The following DENND5A variants were observed in gnomAD, a reference collection of about 807,000 sequenced individuals.
DENND5A encodes the protein DENN domain containing 5A, also known as DENN domain-containing protein 5A.
Under a neutral mutation model 140.3 loss-of-function variants are expected in DENND5A, and 64 were observed. The ratio of observed to expected loss-of-function variants is 0.46; its 90% CI spans 0.37 to 0.56. DENND5A has a LOEUF of 0.56. Among genes scored for constraint, DENND5A ranks in the 20% least tolerant of loss-of-function variants. DENND5A has a pLI of 0.00. For synonymous variants in DENND5A, 605 were observed against 607.7 expected (o/e 1.00, Z 0.07); for missense variants, 1,292 against 1,593.8 (o/e 0.81, Z 3.22).
chr11:9,259,134 C>T (rs1852079241), intron 1 of DENND5A, among the ~76,000 whole-genome samples: 1 of 152,044 alleles, frequency 6.6e-6, no homozygotes, highest in African/African-American at 2.4e-5. Context: ...GTGGCACATG[C>T]CTGTAATCCC....
chr11:9,242,328 C>A (rs1211898292), intron 1 of DENND5A: 4 of 152,176 alleles, frequency 2.6e-5, no homozygotes, highest in African/African-American at 9.7e-5. Flanking sequence ...TAGACAATCA[C>A]TGATTGCAAG....
Position 9,141,927 on chromosome 11 carries a change from G to A in DENND5A, c.3680+13C>T. The A allele has an allele frequency of 6.4e-7, 1 of 1,567,682 alleles. No individual in the cohort carries two copies. Among genetic ancestry groups the A allele is most frequent in the Non-Finnish European group, 8.7e-7 (1 of 1,154,856 alleles). On this transcript the variant is annotated intron_variant, in intron 22 of 22. Transcript: ENST00000328194. ...CTAACCGCTGTGCACTCTGGGCCCT[G>A]GGTCTGCAGTACCTGGCTCCCAAGC...
intron 1 of DENND5A, among the ~76,000 whole-genome samples, 172 bp downstream of exon 1, chr11:9,264,789 C>G (rs1564951179): frequency 6.6e-6 from 1 of 152,200 alleles, no homozygotes; most frequent in Non-Finnish European, 1.5e-5. Context: ...CTCAGAGCCC[C>G]TCATCCGTTT....
chr11:9,208,870 A>G (rs1361186072), intron 1 of DENND5A, among the ~76,000 whole-genome samples: 1 of 152,236 alleles, frequency 6.6e-6, no homozygotes, highest in Non-Finnish European at 1.5e-5. Flanking sequence ...AGCTGCAGCA[A>G]CAAGGCCTAC....
intron 9 of DENND5A, 181 bp from the exon 10 acceptor site, chr11:9,170,130 TGAGA>T: frequency 2.4e-6 from 1 of 409,086 alleles, no homozygotes; most frequent in East Asian, 1.6e-4. Context: ...TGACTGGACA[TGAGA>T]GAGACACCTC....
intron 12 of DENND5A, among the ~76,000 whole-genome samples, chr11:9,153,336 C>A (rs1441670306): frequency 2.3e-5 from 3 of 128,088 alleles, no homozygotes; most frequent in African/African-American, 9.3e-5. Flanking sequence ...CAGAATGAGG[C>A]TCCCTCTCAA....
chr11:9,145,288 T>C (rs1039210), intron 17 of DENND5A, 175 bp from the exon 18 acceptor site: 250,289 of 600,674 alleles, frequency 0.42, 56,107 homozygotes, highest in African/African-American at 0.66. Flanking sequence ...CTCATGGGGG[T>C]GCCCAAGGCT....
intron 5 of DENND5A, among the ~76,000 whole-genome samples, chr11:9,190,012 T>C (rs1040874528): frequency 6.6e-6 from 1 of 152,222 alleles, no homozygotes; most frequent in Non-Finnish European, 1.5e-5. Context: ...TTTGGAACTT[T>C]AAGATTTGAC....
At chr11:9,165,368 G>T (rs1322621286) in intron 11 of DENND5A, among the ~76,000 whole-genome samples, 1 of 152,008 alleles carries the variant, frequency 6.6e-6, no homozygotes, top group Admixed American at 6.6e-5. Context: ...TCAATTAATG[G>T]TATATTTTAT....
At chr11:9,146,058 T>C (rs1016830602) in intron 16 of DENND5A, among the ~76,000 whole-genome samples, 6 of 152,102 alleles carry the variant, frequency 3.9e-5, no homozygotes, top group African/African-American at 1.4e-4. Flanking sequence ...ACATCAAAGA[T>C]CCAAGCCTAT....
At chr11:9,213,836 G>C (rs191198825) in intron 1 of DENND5A, among the ~76,000 whole-genome samples, 1 of 122,672 alleles carries the variant, frequency 8.2e-6, no homozygotes, top group Non-Finnish European at 1.8e-5. Context: ...AAGAAGCAGT[G>C]AGCCAGGGAG....
chr11:9,259,504 T>C (rs1852098485), intron 1 of DENND5A, among the ~76,000 whole-genome samples: 1 of 152,006 alleles, frequency 6.6e-6, no homozygotes, highest in Admixed American at 6.6e-5. Context: ...AGGCGGAGTT[T>C]GCAGTGAGCC....
intron 16 of DENND5A, 85 bp from the exon 17 acceptor site, chr11:9,145,900 C>T: frequency 6.9e-7 from 1 of 1,442,982 alleles, no homozygotes. Context: ...TCCAGGAAGG[C>T]TGGCACAACT....
intron 19 of DENND5A, among the ~76,000 whole-genome samples, 197 bp downstream of exon 19, chr11:9,143,900 C>T (rs543820626): frequency 1.3e-5 from 2 of 152,170 alleles, no homozygotes; most frequent in Non-Finnish European, 2.9e-5. Context: ...TCCTGCCAGC[C>T]CTCTAAGGAG....
At chr11:9,141,878 A>C in intron 22 of DENND5A, 62 bp downstream of exon 22, 1 of 1,468,660 alleles carries the variant, frequency 6.8e-7, no homozygotes, top group Non-Finnish European at 9.1e-7. Context: ...GCACTGCACC[A>C]GGCCTCCAAC....
At chr11:9,228,121 A>C (rs1358094953) in intron 1 of DENND5A, among the ~76,000 whole-genome samples, 2 of 151,130 alleles carry the variant, frequency 1.3e-5, no homozygotes, top group Non-Finnish European at 3.0e-5. Context: ...AAAAAAAAAA[A>C]AAAAAAAAAA....
intron 1 of DENND5A, among the ~76,000 whole-genome samples, chr11:9,208,603 A>C (rs1264938282): frequency 6.6e-6 from 1 of 152,180 alleles, no homozygotes; most frequent in Admixed American, 6.5e-5. Context: ...TATAACTACA[A>C]TCTCTCCTCT....
chr11:9,203,858 C>A lies in DENND5A; in HGVS notation c.751G>T (p.Val251Leu), dbSNP rs1026386979. The A allele has an allele frequency of 6.2e-7, 1 of 1,614,002 alleles. No individual in the cohort carries two copies. The highest frequency in any genetic ancestry group is 1.3e-5 in the African/African-American group (1 of 74,920). Residue 251 changes from valine to leucine, a missense_variant, in exon 4 of 23, where the codon GTG becomes TTG. Around this residue, in one of 4 missense-constraint regions of DENND5A, gnomAD observed 566 missense variants for 650.4 expected, o/e 0.87. Transcript: ENST00000328194. ...ESYIYNVLYE[V>L]PLPPPGRSLK... The stretch of plus-strand genomic sequence containing the variant: ...GACCGGCCAGGAGGTGGGAGCGGCA[C>A]CTCGTAGAGTACGTTGTATATGTAG...
At chr11:9,255,463 G>A (rs1003731358) in intron 1 of DENND5A, among the ~76,000 whole-genome samples, 1 of 152,162 alleles carries the variant, frequency 6.6e-6, no homozygotes, top group African/African-American at 2.4e-5. Flanking sequence ...CAGGTGCGGT[G>A]GCTCTTACCT....
Sources: allele counts gnomAD v4.1 joint callset (sites outside exome capture counted in the v4.1 genomes callset), GRCh38; gene constraint gnomAD v4.1.1; regional missense constraint gnomAD v4.1.1; transcripts MANE v1.5; gene names NCBI Gene and HGNC (gene_info 2026-07-23, HGNC 2026-07-21).